Variants in ZNF132 observed in about 807,000 individuals in gnomAD.
ZNF132 encodes zinc finger protein 132 (clone pHZ-12).
A neutral mutation model predicts 9.3 loss-of-function variants in ZNF132; 6 were observed. The observed-to-expected ratio is 0.65, with a 90% CI of 0.35 to 1.28. ZNF132 has a LOEUF of 1.28. Among genes scored for constraint, ZNF132 ranks in the 50% most tolerant of loss-of-function variants. The pLI is 0.03. For synonymous variants in ZNF132, 296 were observed against 292.0 expected, an observed-to-expected ratio of 1.01 and a Z score of -0.14; for missense variants, 877 against 843.2, an observed-to-expected ratio of 1.04 and a Z score of -0.50.
Position 58,433,941 on chromosome 19 carries a change from G to A in ZNF132, c.1503C>T (p.Thr501=), listed in dbSNP as rs112636880. 1.2e-6 allele frequency: 2 copies of A among 1,613,884 alleles called. No homozygotes were observed. The highest frequency in any genetic ancestry group is 1.7e-6 in the Non-Finnish European group (2 of 1,180,022). The change falls in exon 3 of 3, where the codon ACC becomes ACT. Residue 501 remains threonine, a synonymous_variant. Coordinates refer to ENST00000254166, the MANE Select transcript of ZNF132 (RefSeq NM_003433.4). ...DCGKAFSNSS[T]LIQHQKVHTG... ...TATGTACTTTCTGGTGCTGGATGAG[G>A]GTGGAGCTATTACTGAAGGCTTTAC...
intron 1 of ZNF132, chr19:58,437,712 T>G: frequency 1.0e-6 from 1 of 985,402 alleles, no homozygotes; most frequent in Non-Finnish European, 1.2e-6. Context: ...CATCTCACCA[T>G]GCACATGGCA....
Position 58,437,132 on chromosome 19 carries a change from T to C in ZNF132, c.147A>G (p.Gln49=). The change falls in exon 2 of 3, where the codon CAA becomes CAG. Residue 49 remains glutamine (Q), a synonymous_variant. Transcript: ENST00000254166. ...TFEDVAVYFS[Q]EEWELLDAAQ... ...CTGCATCAAGGAGCTCCCACTCCTC[T>C]TGGGAGAAGTATACAGCCACATCTT... 6.2e-7 allele frequency: 1 copy of C among 1,614,144 alleles called. No homozygotes were observed. The highest frequency in any genetic ancestry group is 8.5e-7 in the Non-Finnish European group (1 of 1,180,026).
intron 1 of ZNF132, 73 bp from the exon 2 acceptor site, chr19:58,437,288 A>G (rs2052778981): frequency 6.8e-7 from 1 of 1,463,572 alleles, no homozygotes; most frequent in Admixed American, 2.3e-5. Flanking sequence ...ATCCTGATAC[A>G]TCTACCACTA....
chr19:58,434,218 C>G lies in ZNF132; in HGVS notation c.1226G>C (p.Gly409Ala). Residue 409 changes from glycine (G) to alanine (A), a missense_variant, in exon 3 of 3, where the codon GGT becomes GCT. Coordinates refer to ENST00000254166, the MANE Select transcript of ZNF132 (RefSeq NM_003433.4). ...AGCAGAGCTTCGGCTGAAGGATTTACCACATTGACTGCACTCATAAGGTCT... is the reference window on the plus strand; with the variant it reads ...AGCAGAGCTTCGGCTGAAGGATTTAGCACATTGACTGCACTCATAAGGTCT... ...QVRPYECSQC[G>A]KSFSRSSALI... The G allele has an allele frequency of 6.2e-7, 1 of 1,614,184 alleles. No individual in the cohort carries two copies. The highest frequency in any genetic ancestry group is 1.7e-5 in the Admixed American group (1 of 60,030).
Position 58,440,132 on chromosome 19 carries a change from G to A in ZNF132, c.-311C>T. 2.4e-6 allele frequency: 1 copy of A among 412,946 alleles called. No homozygotes were observed. The allele number at this position is 412,946 out of a possible 1,614,324, so 25.6% of individuals were successfully genotyped here. ...AGGCCTGCTGTAGCCCAACCCACCA[G>A]CAGCAAAATGAGGACCGCAATGGCG... On this transcript the variant is annotated 5_prime_UTR_variant, in exon 1 of 3. Coordinates refer to ENST00000254166, the MANE Select transcript of ZNF132 (RefSeq NM_003433.4).
At position 58,433,177 on chromosome 19, in the gene ZNF132, TG is replaced by T; in HGVS notation, c.*145del. The stretch of plus-strand genomic sequence containing the variant: ...GGTGAGATGGCCCTGCAAAGGTTCC[TG>T]GGCTGGTCAGAAACAGAGTAGCTTC... On this transcript the variant is annotated 3_prime_UTR_variant, in exon 3 of 3. Coordinates refer to ENST00000254166, the MANE Select transcript of ZNF132 (RefSeq NM_003433.4). 1 of 836,514 alleles carries T rather than the reference TG, an allele frequency of 1.2e-6. No homozygotes were observed. Among genetic ancestry groups the T allele is most frequent in the Non-Finnish European group, 1.8e-6 (1 of 546,818 alleles). The allele number at this position is 836,514 out of a possible 1,614,324, so 51.8% of individuals were successfully genotyped here. A position where few individuals can be genotyped will look rare whatever the true frequency, so the allele number is the denominator to read the frequency against.
At chr19:58,435,456 T>C (rs544183858) in intron 2 of ZNF132, 66 of 446,440 alleles carry the variant, frequency 1.5e-4, no homozygotes, top group Non-Finnish European at 1.9e-4. Flanking sequence ...AGGACTTAAA[T>C]AGACATTTCT....
chr19:58,435,618 A>C, intron 2 of ZNF132: 1 of 167,888 alleles, frequency 6.0e-6, no homozygotes, highest in Non-Finnish European at 1.3e-5. Flanking sequence ...ATGACAACAA[A>C]TGAAGTAGAA....
intron 2 of ZNF132, among the ~76,000 whole-genome samples, chr19:58,436,590 C>A (rs1200945964): frequency 6.7e-6 from 1 of 148,638 alleles, no homozygotes; most frequent in Non-Finnish European, 1.5e-5. Flanking sequence ...ATGGCGTGAA[C>A]CTGGGAGGCA....
intron 2 of ZNF132, among the ~76,000 whole-genome samples, chr19:58,436,030 G>A (rs1266313397): frequency 2.0e-5 from 3 of 152,290 alleles, no homozygotes; most frequent in East Asian, 3.9e-4. Flanking sequence ...ATGAAATATT[G>A]ATACATGCTA....
At chr19:58,435,845 A>T (rs190606862) in intron 2 of ZNF132, 1 of 152,528 alleles carries the variant, frequency 6.6e-6, no homozygotes, top group Admixed American at 6.5e-5. Flanking sequence ...GGCTCAAGTG[A>T]TCCTCCTGCC....
Position 58,434,518 on chromosome 19 carries a change from T to G in ZNF132, c.926A>C (p.His309Pro). 6.2e-7 allele frequency: 1 copy of G among 1,614,234 alleles called. No individual in the cohort carries two copies. ...AFSHSSKLRK[H>P]QKFHTEVKYY... Reference sequence around the variant, plus strand: ...TTTTACTTCAGTGTGAAATTTCTGGTGCTTCCTCAGCTTAGATGAGTGACT... The same window carrying G: ...TTTTACTTCAGTGTGAAATTTCTGGGGCTTCCTCAGCTTAGATGAGTGACT... Residue 309 changes from histidine (H) to proline (P), a missense_variant, in exon 3 of 3, where the codon CAC becomes CCC. Coordinates refer to ENST00000254166, the MANE Select transcript of ZNF132 (RefSeq NM_003433.4).
At chr19:58,437,338 C>T (rs1211332314) in intron 1 of ZNF132, 123 bp from the exon 2 acceptor site, 5 of 1,129,848 alleles carry the variant, frequency 4.4e-6, no homozygotes, top group Non-Finnish European at 6.1e-6. Context: ...CCACCCACTA[C>T]TCACCCATCC....
Position 58,433,016 on chromosome 19 carries a change from C to G in ZNF132, c.*307G>C. On this transcript the variant is annotated 3_prime_UTR_variant, in exon 3 of 3. Transcript: ENST00000254166. ...CAACCAGCATCGGTTCAGCTGAGCA[C>G]AGTCCTGAATCCCTAGAGAACACAG... 2.6e-6 allele frequency: 1 copy of G among 382,464 alleles called. No individual in the cohort carries two copies. 23.7% of individuals were successfully genotyped at this position (382,464 alleles called of 1,614,324 possible). A position where few individuals can be genotyped will look rare whatever the true frequency, so the allele number is the denominator to read the frequency against.
Position 58,436,755 on chromosome 19 carries a change from G to A in ZNF132, c.232+292C>T, listed in dbSNP as rs145685027. 3,459 of 451,058 alleles carry A rather than the reference G, an allele frequency of 7.7e-3. 13 individuals are homozygous for A. Among genetic ancestry groups the A allele is most frequent in the Non-Finnish European group, 0.011 (2,699 of 240,294 alleles). 27.9% of individuals were successfully genotyped at this position (451,058 alleles called of 1,614,324 possible). A position where few individuals can be genotyped will look rare whatever the true frequency, so the allele number is the denominator to read the frequency against. The stretch of plus-strand genomic sequence containing the variant: ...GGCATGACCTCATACTGGGTAACCC[G>A]ACCAGGGATTGGTGAATCTCAGTGG... On this transcript the variant is annotated intron_variant, in intron 2 of 2. Coordinates refer to ENST00000254166, the MANE Select transcript of ZNF132 (RefSeq NM_003433.4).
In ZNF132 at chr19:58,434,779, T is replaced by C. The variant is rs1298302977; in HGVS notation, c.665A>G (p.Asn222Ser). 6.2e-7 allele frequency: 1 copy of C among 1,614,072 alleles called. No homozygotes were observed. The highest frequency in any genetic ancestry group is 8.5e-7 in the Non-Finnish European group (1 of 1,180,044). The change falls in exon 3 of 3, where the codon AAT becomes AGT. Residue 222 changes from asparagine to serine, a missense_variant. Physicochemically the swap from Asn to Ser is conservative, Grantham distance 46. Transcript: ENST00000254166. ...ACAGACTTCTGGAAGCTGCCCAAGA[T>C]TGGAATATGGCTTCTGCCCACTGTC... is the stretch of plus-strand genomic sequence containing the variant. The part of the protein sequence containing the change: ...AVDSGQKPYS[N>S]LGQLPEVCTT...
At position 58,435,003 on chromosome 19, in the gene ZNF132, A is replaced by G. The variant is rs1160727173; in HGVS notation, c.441T>C (p.Cys147=). ...SEEKPYTCGA[C]GRDFWLNANL... Reference sequence around the variant, plus strand: ...TTGCATTCAACCAAAAGTCTCTCCCACATGCTCCACATGTGTAGGGTTTCT... The same window carrying G: ...TTGCATTCAACCAAAAGTCTCTCCCGCATGCTCCACATGTGTAGGGTTTCT... The change falls in exon 3 of 3, where the codon TGT becomes TGC. Residue 147 remains cysteine (C), a synonymous_variant. Coordinates refer to ENST00000254166, the MANE Select transcript of ZNF132 (RefSeq NM_003433.4). 2 of 1,613,992 alleles carry G rather than the reference A, an allele frequency of 1.2e-6. No homozygotes were observed. The highest frequency in any genetic ancestry group is 2.2e-5 in the South Asian group (2 of 91,084).
chr19:58,433,736 G>A lies in ZNF132; in HGVS notation c.1708C>T (p.Pro570Ser), dbSNP rs779610552. 1 of 1,614,044 alleles carries A rather than the reference G, an allele frequency of 6.2e-7. No individual in the cohort carries two copies. Among genetic ancestry groups the A allele is most frequent in the Non-Finnish European group, 8.5e-7 (1 of 1,179,930 alleles). ...EHWRVHTKER[P>S]YECNECGKFF... ...TTCCCACATTCATTGCACTCATAAG[G>A]CCTTTCTTTTGTGTGAACTCTCCAG... Residue 570 changes from proline to serine, a missense_variant, in exon 3 of 3, where the codon CCT (proline) becomes TCT (serine). Transcript: ENST00000254166.
At position 58,434,110 on chromosome 19, in the gene ZNF132, T is replaced by C; in HGVS notation, c.1334A>G (p.Asn445Ser). 1 of 1,613,384 alleles carries C rather than the reference T, an allele frequency of 6.2e-7. No individual in the cohort carries two copies. The highest frequency in any genetic ancestry group is 8.5e-7 in the Non-Finnish European group (1 of 1,179,866). ...GTGAACTTTCTGGTGCTGAGCAAGG[T>C]TGGAGTTATTGTTAAAAGCTCTTCC... The part of the protein sequence containing the change: ...ECGRAFNNNS[N>S]LAQHQKVHTG... The change falls in exon 3 of 3, where the codon AAC (asparagine) becomes AGC (serine). Residue 445 changes from asparagine to serine, a missense_variant. Coordinates refer to ENST00000254166, the MANE Select transcript of ZNF132 (RefSeq NM_003433.4).
Sources: gnomAD v4.1 joint callset for allele counts (sites outside exome capture counted in the v4.1 genomes callset) on GRCh38, gnomAD v4.1.1 for gene constraint, MANE v1.5 for transcripts, NCBI Gene and HGNC (gene_info 2026-07-23, HGNC 2026-07-21) for gene names.